Variants in ZNF519 observed in about 807,000 individuals in gnomAD.
The protein encoded by ZNF519 is similar to Zinc finger protein 85 (Zinc finger protein HPF4) (HTF1).
In ZNF519, 7 loss-of-function variants were observed where a neutral mutation model predicts 7.4. The observed-to-expected ratio is 0.94, with a 90% CI of 0.54 to 1.77. ZNF519 has a LOEUF of 1.77. ZNF519 is among the 40% of genes most tolerant of loss of function. ZNF519 has a pLI of 0.00. For synonymous variants in ZNF519, 179 were observed against 203.3 expected, an observed-to-expected ratio of 0.88 and a Z score of 1.02; for missense variants, 586 against 623.1, an observed-to-expected ratio of 0.94 and a Z score of 0.63.
downstream of ZNF519, among the ~76,000 whole-genome samples, chr18:14,098,792 TTTG>T (rs1487014897): frequency 2.6e-5 from 4 of 152,198 alleles, no homozygotes; most frequent in East Asian, 7.7e-4. Context: ...TCCGATGACA[TTTG>T]TTAATATCTT....
rs2046162419 is a variant in ZNF519, at chr18:14,101,704, T to C, written c.*3213A>G. ...CGAGGCAGGAATGGCCATGACAGCA[T>C]GGTACACCTGCCCCTCACCCAGGGA... is the stretch of plus-strand genomic sequence containing the variant. On this transcript the variant is annotated 3_prime_UTR_variant, in exon 3 of 3. Coordinates refer to ENST00000590202, the MANE Select transcript of ZNF519 (RefSeq NM_145287.4). 1 of 398,746 alleles carries C rather than the reference T, an allele frequency of 2.5e-6. No individual in the cohort carries two copies. 24.7% of individuals were successfully genotyped at this position (398,746 alleles called of 1,614,324 possible).
intron 1 of ZNF519, among the ~76,000 whole-genome samples, chr18:14,129,013 G>A (rs532981989): frequency 6.6e-6 from 1 of 152,036 alleles, no homozygotes; most frequent in Non-Finnish European, 1.5e-5. Context: ...GGATTTGTGG[G>A]GAAGAAAAAA....
chr18:14,115,425 A>G (rs1374148817), intron 2 of ZNF519, among the ~76,000 whole-genome samples: 1 of 152,232 alleles, frequency 6.6e-6, no homozygotes, highest in Non-Finnish European at 1.5e-5. Context: ...TCAGAACTAA[A>G]GAGACCACAA....
chr18:14,078,373 T>G (rs530313006), intron 3 of ZNF519: 1 of 152,150 alleles, frequency 6.6e-6, no homozygotes, highest in Non-Finnish European at 1.5e-5. Context: ...ATTATATATA[T>G]TCTAAGAATA....
chr18:14,101,677 A>G lies in ZNF519; in HGVS notation c.*3240T>C, dbSNP rs747633416. 3.0e-4 allele frequency: 120 copies of G among 398,560 alleles called. No individual in the cohort carries two copies. The highest frequency in any genetic ancestry group is 1.6e-4 in the Non-Finnish European group (36 of 226,142). The allele number at this position is 398,560 out of a possible 1,614,324, so 24.7% of individuals were successfully genotyped here. A position where few individuals can be genotyped will look rare whatever the true frequency, so the allele number is the denominator to read the frequency against. On this transcript the variant is annotated 3_prime_UTR_variant, in exon 3 of 3. Coordinates refer to ENST00000590202, the MANE Select transcript of ZNF519 (RefSeq NM_145287.4). ...AGACCATCTCTACACCCACACCCCAATCGAGGCAGGAATGGCCATGACAGC... is the reference window on the plus strand; with the variant it reads ...AGACCATCTCTACACCCACACCCCAGTCGAGGCAGGAATGGCCATGACAGC...
At position 14,132,273 on chromosome 18, in the gene ZNF519, A is replaced by G. The variant is rs762478664; in HGVS notation, c.3+2T>C. The G allele has an allele frequency of 1.9e-6, 3 of 1,613,242 alleles. No homozygotes were observed. Among genetic ancestry groups the G allele is most frequent in the Non-Finnish European group, 2.5e-6 (3 of 1,179,660 alleles). ...TCGGTACGCCCTGCCCCCCACACTC[A>G]CCATTTCTCGGCTTCAGGGGTGTCC... On this transcript the variant is annotated splice_donor_variant, in intron 1 of 2. Coordinates refer to ENST00000590202, the MANE Select transcript of ZNF519 (RefSeq NM_145287.4). LOFTEE classifies it high-confidence loss of function.
At chr18:14,127,520 G>T (rs1478457612) in intron 1 of ZNF519, among the ~76,000 whole-genome samples, 1 of 152,132 alleles carries the variant, frequency 6.6e-6, no homozygotes, top group African/African-American at 2.4e-5. Flanking sequence ...TCAAATCCCA[G>T]GACATAAATT....
At chr18:14,113,558 T>C (rs988989190) in intron 2 of ZNF519, among the ~76,000 whole-genome samples, 1 of 152,158 alleles carries the variant, frequency 6.6e-6, no homozygotes, top group African/African-American at 2.4e-5. Context: ...ACTACTTAAA[T>C]TGGATGAGAC....
rs2046155226 is a variant in ZNF519 at position 14,100,419 on chromosome 18, A to G, written c.*4498T>C. On this transcript the variant is annotated 3_prime_UTR_variant, in exon 3 of 3. Transcript: ENST00000590202. The stretch of plus-strand genomic sequence containing the variant: ...GCCACACACTGACTGAAAACAACAA[A>G]TATGTTCTTGAAAGAGTGAAGGGTT... 1 of 152,192 alleles carries G rather than the reference A, an allele frequency of 6.6e-6. No individual in the cohort carries two copies. Among genetic ancestry groups the G allele is most frequent in the Non-Finnish European group, 1.5e-5 (1 of 68,034 alleles). 9.4% of individuals were successfully genotyped at this position (152,192 alleles called of 1,614,324 possible).
chr18:14,119,104 A>G (rs981543668), intron 2 of ZNF519, among the ~76,000 whole-genome samples: 10 of 152,184 alleles, frequency 6.6e-5, no homozygotes, highest in African/African-American at 2.4e-4. Flanking sequence ...TCCAGGTCCC[A>G]AAAAGAATCC....
chr18:14,105,669 G>C lies in ZNF519; in HGVS notation c.871C>G (p.Pro291Ala). The C allele has an allele frequency of 3.1e-6, 5 of 1,613,564 alleles. No homozygotes were observed. The highest frequency in any genetic ancestry group is 4.2e-6 in the Non-Finnish European group (5 of 1,179,908). ...TTGTCACATTTTTTACATTTGTAAG[G>C]TTTCTCTCCAGTATGAATTTTCTGA... is the stretch of plus-strand genomic sequence containing the variant. ...GHQKIHTGEK[P>A]YKCKKCDKAF... Residue 291 changes from proline (P) to alanine (A), a missense_variant, in exon 3 of 3, where the codon CCT becomes GCT. Transcript: ENST00000590202.
At position 14,103,831 on chromosome 18, in the gene ZNF519, C is replaced by CAGGATAAG. The variant is rs2046173910; in HGVS notation, c.*1078_*1085dup. 1 of 151,962 alleles carries CAGGATAAG rather than the reference C, an allele frequency of 6.6e-6. No homozygotes were observed. Among genetic ancestry groups the CAGGATAAG allele is most frequent in the Non-Finnish European group, 1.5e-5 (1 of 67,932 alleles). The allele number at this position is 151,962 out of a possible 1,614,324, so 9.4% of individuals were successfully genotyped here. The stretch of plus-strand genomic sequence containing the variant: ...AGGTGGAATAAGTTAACATTTTTGT[C>CAGGATAAG]AGGATAAGACATTATTCAATAAGCA... On this transcript the variant is annotated 3_prime_UTR_variant, in exon 3 of 3. Transcript: ENST00000590202.
At chr18:14,118,350 G>A (rs568093088) in intron 2 of ZNF519, among the ~76,000 whole-genome samples, 23 of 152,286 alleles carry the variant, frequency 1.5e-4, no homozygotes, top group African/African-American at 3.9e-4. Context: ...GAGCCACTGC[G>A]CCTGGCCACA....
chr18:14,106,357 A>C lies in ZNF519; in HGVS notation c.183T>G (p.Asp61Glu). Reference protein sequence around the residue: ...QGILPEQGIQDSFKKATLGRY... With the variant: ...QGILPEQGIQESFKKATLGRY... Reference sequence around the variant, plus strand: ...TTCCCAGTGTTGCTTTTTTGAATGAATCTTGTATGCCTTGCTCTGGTAAAA... The same window carrying C: ...TTCCCAGTGTTGCTTTTTTGAATGACTCTTGTATGCCTTGCTCTGGTAAAA... Residue 61 changes from aspartate (D) to glutamate (E), a missense_variant, in exon 3 of 3, where the codon GAT becomes GAG. Physicochemically the swap from Asp to Glu is conservative, Grantham distance 45 (BLOSUM62 2). Coordinates refer to ENST00000590202, the MANE Select transcript of ZNF519 (RefSeq NM_145287.4). 9.9e-6 allele frequency: 16 copies of C among 1,612,320 alleles called. No individual in the cohort carries two copies. The highest frequency in any genetic ancestry group is 1.4e-5 in the Non-Finnish European group (16 of 1,179,578).
At chr18:14,086,828 C>T (rs972493651) in intron 2 of ZNF519, among the ~76,000 whole-genome samples, 3 of 151,986 alleles carry the variant, frequency 2.0e-5, no homozygotes, top group Non-Finnish European at 4.4e-5. Flanking sequence ...ATGTAATGAA[C>T]CAAATAAAAA....
chr18:14,113,424 C>T (rs1248463996), intron 2 of ZNF519, among the ~76,000 whole-genome samples: 4 of 152,214 alleles, frequency 2.6e-5, no homozygotes, highest in Non-Finnish European at 5.9e-5. Context: ...CCTTTCCAGA[C>T]TGAACCAACG....
chr18:14,102,642 G>A lies in ZNF519; in HGVS notation c.*2275C>T, dbSNP rs2046167813. 1 of 152,078 alleles carries A rather than the reference G, an allele frequency of 6.6e-6. No homozygotes were observed. The highest frequency in any genetic ancestry group is 2.4e-5 in the African/African-American group (1 of 41,392). The allele number at this position is 152,078 out of a possible 1,614,324, so 9.4% of individuals were successfully genotyped here. A position where few individuals can be genotyped will look rare whatever the true frequency, so the allele number is the denominator to read the frequency against. ...AAATGGTAAGGATACAAAATGTAGAGTACTTTTTAAAATAATAATAATTTA... is the reference window on the plus strand; with the variant it reads ...AAATGGTAAGGATACAAAATGTAGAATACTTTTTAAAATAATAATAATTTA... On this transcript the variant is annotated 3_prime_UTR_variant, in exon 3 of 3. Transcript: ENST00000590202.
chr18:14,115,211 C>T (rs1295887186), intron 2 of ZNF519, among the ~76,000 whole-genome samples: 1 of 152,184 alleles, frequency 6.6e-6, no homozygotes, highest in East Asian at 1.9e-4. Flanking sequence ...CAGCATGGTA[C>T]AACCAGGAGA....
At position 14,101,553 on chromosome 18, in the gene ZNF519, G is replaced by C; in HGVS notation, c.*3364C>G. On this transcript the variant is annotated 3_prime_UTR_variant, in exon 3 of 3. Coordinates refer to ENST00000590202, the MANE Select transcript of ZNF519 (RefSeq NM_145287.4). Reference sequence around the variant, plus strand: ...AGGGTCCCTTGGATTAAAACTGTGGGTCACTCAATAGGGAAAGCCAAGGCA... The same window carrying C: ...AGGGTCCCTTGGATTAAAACTGTGGCTCACTCAATAGGGAAAGCCAAGGCA... 2.5e-6 allele frequency: 1 copy of C among 397,476 alleles called. No individual in the cohort carries two copies. The highest frequency in any genetic ancestry group is 4.4e-6 in the Non-Finnish European group (1 of 225,730). 24.6% of individuals were successfully genotyped at this position (397,476 alleles called of 1,614,324 possible).
Sources: gnomAD v4.1 joint callset for allele counts (sites outside exome capture counted in the v4.1 genomes callset) on GRCh38, gnomAD v4.1.1 for gene constraint, MANE v1.5 for transcripts, NCBI Gene and HGNC (gene_info 2026-07-23, HGNC 2026-07-21) for gene names.